The following PRDM1 variants were observed in gnomAD, a reference collection of about 807,000 sequenced individuals.
PRDM1 encodes the protein PR domain zinc finger protein 1.
Under a neutral mutation model 62.8 loss-of-function variants are expected in PRDM1, and 13 were observed. The observed-to-expected ratio is 0.21, with a 90% CI of 0.13 to 0.33. The LOEUF is 0.33. Among genes scored for constraint, PRDM1 ranks in the 10% least tolerant of loss-of-function variants. The probability of loss-of-function intolerance (pLI) is 1.00; values close to 1 mark genes in which losing one functional copy is unlikely to be tolerated. For synonymous variants in PRDM1, 396 were observed against 417.6 expected, an observed-to-expected ratio of 0.95 and a Z score of 0.63; for missense variants, 895 against 1,058.8, an observed-to-expected ratio of 0.85 and a Z score of 2.15.
At chr6:106,031,416 C>T (rs935803062) in intron 1 of PRDM1, among the ~76,000 whole-genome samples, 1 of 152,118 alleles carries the variant, frequency 6.6e-6, no homozygotes, top group Non-Finnish European at 1.5e-5. Flanking sequence ...CTCTCCAGTC[C>T]ACGGCCTCCT....
chr6:106,050,242 T>C (rs1378749799), intron 1 of PRDM1, among the ~76,000 whole-genome samples: 2 of 152,204 alleles, frequency 1.3e-5, no homozygotes, highest in Non-Finnish European at 2.9e-5. Context: ...TTAGTGTTAC[T>C]CTAAGATTTC....
chr6:106,017,298 A>G, intron 1 of PRDM1, among the ~76,000 whole-genome samples: 1 of 152,182 alleles, frequency 6.6e-6, no homozygotes, highest in Admixed American at 6.5e-5. Flanking sequence ...GATCTTGTTT[A>G]TTTGGAATTA....
At chr6:106,055,235 C>A (rs1214708449) in intron 1 of PRDM1, among the ~76,000 whole-genome samples, 1 of 152,164 alleles carries the variant, frequency 6.6e-6, no homozygotes, top group Non-Finnish European at 1.5e-5. Flanking sequence ...TCTGATAATA[C>A]TTTGCAGTTT....
intron 1 of PRDM1, among the ~76,000 whole-genome samples, chr6:106,000,560 T>G (rs1320554366): frequency 6.9e-6 from 1 of 145,262 alleles, no homozygotes; most frequent in Non-Finnish European, 1.5e-5. Context: ...CTCACCAAGG[T>G]TATTTCCATG....
chr6:106,065,042 G>C (rs191021790), intron 1 of PRDM1, among the ~76,000 whole-genome samples: 7 of 152,322 alleles, frequency 4.6e-5, no homozygotes, highest in Non-Finnish European at 7.4e-5. Context: ...GTCTGCCATG[G>C]ATGGGTTTAT....
At chr6:106,012,487 C>CCCCTCCACATTTACACACAT (rs1772570422) in intron 1 of PRDM1, among the ~76,000 whole-genome samples, 1 of 151,890 alleles carries the variant, frequency 6.6e-6, no homozygotes, top group African/African-American at 2.4e-5. Flanking sequence ...CACACACACA[C>CCCCTCCACATTTACACACAT]CCCTCCACAT....
intron 1 of PRDM1, among the ~76,000 whole-genome samples, chr6:106,028,889 A>G (rs959040167): frequency 4.2e-5 from 6 of 143,418 alleles, no homozygotes; most frequent in African/African-American, 1.3e-4. Context: ...GGTTGTAAAT[A>G]TATTTCCCTA....
chr6:106,095,337 T>A (rs1485079388), intron 2 of PRDM1, among the ~76,000 whole-genome samples: 1 of 152,238 alleles, frequency 6.6e-6, no homozygotes, highest in African/African-American at 2.4e-5. Context: ...GCATAAAAAG[T>A]AATGATAAAA....
intron 1 of PRDM1, among the ~76,000 whole-genome samples, chr6:106,061,430 T>C (rs527593128): frequency 1.3e-5 from 2 of 152,336 alleles, no homozygotes; most frequent in Non-Finnish European, 2.9e-5. Flanking sequence ...GCCTTGTCCT[T>C]AAACACCTGG....
At chr6:106,081,806 C>T (rs1240423213), upstream of PRDM1, among the ~76,000 whole-genome samples, 4 of 152,172 alleles carry the variant, frequency 2.6e-5, no homozygotes, top group Non-Finnish European at 4.4e-5. Context: ...GGGAAGCACA[C>T]GGTGGCAGGT....
At chr6:106,103,731 T>C (rs773964862) in intron 4 of PRDM1, among the ~76,000 whole-genome samples, 1 of 152,194 alleles carries the variant, frequency 6.6e-6, no homozygotes, top group Non-Finnish European at 1.5e-5. Context: ...CTAAATAGTA[T>C]CTTTACCAAG....
rs1286980256 is a variant in PRDM1 at position 106,107,948 on chromosome 6, T to G, written c.*462T>G. 1 of 232,634 alleles carries G rather than the reference T, an allele frequency of 4.3e-6. No individual in the cohort carries two copies. Among genetic ancestry groups the G allele is most frequent in the East Asian group, 6.1e-5 (1 of 16,444 alleles). 14.4% of individuals were successfully genotyped at this position (232,634 alleles called of 1,614,324 possible). On this transcript the variant is annotated 3_prime_UTR_variant, in exon 7 of 7. Coordinates refer to ENST00000369096, the MANE Select transcript of PRDM1 (RefSeq NM_001198.4). ...ATTTGAGTATAAATGTATTTTTGTC[T>G]TGTGGCCATTCTTTGTAGATAATTT...
intron 1 of PRDM1, among the ~76,000 whole-genome samples, chr6:106,037,791 G>A (rs1419140830): frequency 6.6e-6 from 1 of 151,546 alleles, no homozygotes; most frequent in Non-Finnish European, 1.5e-5. Flanking sequence ...TTAGCTCTTT[G>A]AGCATATTTA....
chr6:106,099,640 G>T (rs528967087), intron 4 of PRDM1, 88 bp downstream of exon 4: 2 of 1,522,726 alleles, frequency 1.3e-6, no homozygotes, highest in Non-Finnish European at 1.8e-6. Context: ...TTAATTATAC[G>T]GCTTTGTCAT....
chr6:106,084,621 A>T (rs1460456527), upstream of PRDM1, among the ~76,000 whole-genome samples: 1 of 152,218 alleles, frequency 6.6e-6, no homozygotes, highest in Non-Finnish European at 1.5e-5. Context: ...GACTGTTTGA[A>T]CAGCAGGCCA....
intron 1 of PRDM1, among the ~76,000 whole-genome samples, chr6:106,053,418 A>G (rs546196199): frequency 1.3e-5 from 2 of 152,194 alleles, no homozygotes; most frequent in East Asian, 3.9e-4. Context: ...TCCCCTTTAT[A>G]TGTTTTTTTC....
intron 1 of PRDM1, among the ~76,000 whole-genome samples, chr6:106,056,979 T>C (rs1773277107): frequency 6.6e-6 from 1 of 152,216 alleles, no homozygotes; most frequent in South Asian, 2.1e-4. Flanking sequence ...GCTCAAGGAA[T>C]ATGACTTCAG....
rs1425203083 is a variant in PRDM1 at position 106,109,021 on chromosome 6, A to G, written c.*1535A>G. The G allele has an allele frequency of 9.6e-6, 2 of 208,434 alleles. No individual in the cohort carries two copies. The highest frequency in any genetic ancestry group is 3.9e-4 in the South Asian group (2 of 5,156). The allele number at this position is 208,434 out of a possible 1,614,324, so 12.9% of individuals were successfully genotyped here. A position where few individuals can be genotyped will look rare whatever the true frequency, so the allele number is the denominator to read the frequency against. On this transcript the variant is annotated 3_prime_UTR_variant, in exon 7 of 7. Coordinates refer to ENST00000369096, the MANE Select transcript of PRDM1 (RefSeq NM_001198.4). ...ATAAATCTATTTATACCACTATATCATATGTATATATATTTATAACCACTT... is the reference window on the plus strand; with the variant it reads ...ATAAATCTATTTATACCACTATATCGTATGTATATATATTTATAACCACTT...
intron 1 of PRDM1, among the ~76,000 whole-genome samples, chr6:106,027,324 AC>A (rs1476179754): frequency 1.3e-5 from 2 of 152,156 alleles, no homozygotes; most frequent in Admixed American, 6.5e-5. Flanking sequence ...GTCCACAGAA[AC>A]CCCAAGAGTC....
Sources: allele counts gnomAD v4.1 joint callset (sites outside exome capture counted in the v4.1 genomes callset), GRCh38; gene constraint gnomAD v4.1.1; transcripts MANE v1.5; gene names NCBI Gene and HGNC (gene_info 2026-07-23, HGNC 2026-07-21).